MRTFB: variants seen among roughly 807,000 people sequenced by gnomAD.
MRTFB encodes myocardin-related transcription factor B.
A neutral mutation model predicts 104.2 loss-of-function variants in MRTFB; 29 were observed. That is an observed-to-expected ratio of 0.28 (90% CI 0.21 to 0.38). The LOEUF (loss-of-function observed/expected upper bound fraction) is 0.38. Ranked by LOEUF, MRTFB falls within the 10% of genes least tolerant of loss-of-function variation. The pLI is 1.00. For missense variants in MRTFB, 1,270 were observed against 1,341.6 expected (o/e 0.95, Z 0.83); for synonymous variants, 535 against 519.5 (o/e 1.03, Z -0.41).
At chr16:14,218,666 G>A (rs565179200) in intron 7 of MRTFB, among the ~76,000 whole-genome samples, 154 bp from the exon 8 acceptor site, 1 of 152,162 alleles carries the variant, frequency 6.6e-6, no homozygotes, top group African/African-American at 2.4e-5. Flanking sequence ...ATCATGGTTA[G>A]TGGTGTGTTC....
At chr16:14,240,571 C>T in intron 10 of MRTFB, 87 bp downstream of exon 10, 1 of 1,587,518 alleles carries the variant, frequency 6.3e-7, no homozygotes, top group Non-Finnish European at 8.6e-7. Flanking sequence ...TGAATGTTGT[C>T]ATTTATTTGT....
chr16:14,052,535 T>A, the MRTFB span, among the ~76,000 whole-genome samples: 6,448 of 152,080 alleles, frequency 0.042, 451 homozygotes, highest in African/African-American at 0.15. Context: ...GGTCAGGAGT[T>A]TGAGACCAAC....
intron 11 of MRTFB, 78 bp downstream of exon 11, chr16:14,245,738 C>T (rs1364578015): frequency 2.7e-6 from 4 of 1,476,692 alleles, no homozygotes; most frequent in Non-Finnish European, 1.8e-6. Context: ...GTCTAGCAGA[C>T]ATTAAGTAGT....
intron 2 of MRTFB, among the ~76,000 whole-genome samples, chr16:14,121,850 A>C (rs1014845240): frequency 6.6e-6 from 1 of 152,208 alleles, no homozygotes; most frequent in Non-Finnish European, 1.5e-5. Context: ...CAAGCCCTTA[A>C]AATGTGACAG....
At chr16:14,113,077 CTT>C (rs1352539131) in intron 2 of MRTFB, among the ~76,000 whole-genome samples, 3 of 152,188 alleles carry the variant, frequency 2.0e-5, no homozygotes, top group African/African-American at 7.2e-5. Flanking sequence ...GAGTTTCACT[CTT>C]GTTGCCTAGG....
chr16:14,029,202 C>A, the MRTFB span, among the ~76,000 whole-genome samples: 1 of 151,530 alleles, frequency 6.6e-6, no homozygotes, highest in East Asian at 2.0e-4. Flanking sequence ...TTGGGAGGCT[C>A]AGGATCCCTC....
intron 2 of MRTFB, among the ~76,000 whole-genome samples, chr16:14,109,386 TA>T (rs1356707691): frequency 9.3e-5 from 14 of 150,698 alleles, no homozygotes; most frequent in African/African-American, 2.0e-4. Flanking sequence ...AGTGTGTGGT[TA>T]AAAAAAAAAT....
chr16:14,245,676 G>A lies in MRTFB; in HGVS notation c.1212+16G>A. 6.2e-7 allele frequency: 1 copy of A among 1,603,728 alleles called. No homozygotes were observed. Among genetic ancestry groups the A allele is most frequent in the Non-Finnish European group, 8.5e-7 (1 of 1,177,354 alleles). On this transcript the variant is annotated intron_variant, in intron 11 of 16. Coordinates refer to ENST00000571589, the MANE Select transcript of MRTFB (RefSeq NM_001308142.2). ...TGACTTAAAGGTGACAATTGCAACT[G>A]GAGCTTATTCACCCCTAAGTACCAC...
intron 3 of MRTFB, among the ~76,000 whole-genome samples, chr16:14,175,211 T>C (rs776283962): frequency 6.6e-6 from 1 of 152,220 alleles, no homozygotes; most frequent in Non-Finnish European, 1.5e-5. Flanking sequence ...AGGATTCAAG[T>C]TGAAGAATTT....
chr16:14,078,816 T>TA (rs57761003), intron 1 of MRTFB, among the ~76,000 whole-genome samples: 29,403 of 151,890 alleles, frequency 0.19, 4,767 homozygotes, highest in African/African-American at 0.43. Context: ...AACATTATAA[T>TA]AAAATAGTAT....
chr16:14,227,023 G>C (rs551285758), intron 8 of MRTFB, among the ~76,000 whole-genome samples: 64 of 151,828 alleles, frequency 4.2e-4, no homozygotes, highest in African/African-American at 1.4e-3. Flanking sequence ...TGCATCAAAG[G>C]ACATCAACAG....
chr16:14,233,781 CAAAA>C (rs1007606658), intron 8 of MRTFB, among the ~76,000 whole-genome samples: 4 of 49,996 alleles, frequency 8.0e-5, no homozygotes, highest in East Asian at 6.3e-4. Context: ...GACTCCCTCT[CAAAA>C]AAAAAAAAAA....
intron 3 of MRTFB, among the ~76,000 whole-genome samples, chr16:14,189,259 T>C (rs1269008583): frequency 6.6e-6 from 1 of 152,192 alleles, no homozygotes; most frequent in Non-Finnish European, 1.5e-5. Context: ...CTTTGCAAAA[T>C]TGAACTCCCA....
At chr16:14,003,252 G>C in the MRTFB span, among the ~76,000 whole-genome samples, 1 of 152,168 alleles carries the variant, frequency 6.6e-6, no homozygotes, top group Non-Finnish European at 1.5e-5. Context: ...GTAGGCGTGT[G>C]ACGAGTTTTT....
At chr16:14,240,154 T>G in intron 9 of MRTFB, 83 bp from the exon 10 acceptor site, 1 of 1,459,474 alleles carries the variant, frequency 6.9e-7, no homozygotes, top group Non-Finnish European at 9.1e-7. Context: ...TTCTTTTTAA[T>G]TTCAAATCAT....
At chr16:14,259,071 T>C (rs1001878949) in intron 16 of MRTFB, among the ~76,000 whole-genome samples, 4 of 94,256 alleles carry the variant, frequency 4.2e-5, no homozygotes, top group Non-Finnish European at 7.1e-5. Context: ...ACATAGAGAA[T>C]TGATATTTGA....
chr16:14,245,742 A>G, intron 11 of MRTFB, 82 bp downstream of exon 11: 1 of 1,471,192 alleles, frequency 6.8e-7, no homozygotes. Context: ...AGCAGACATT[A>G]AGTAGTTTTC....
In MRTFB at chr16:14,240,867, A is replaced by G. The variant is rs1597352992; in HGVS notation, c.1079+383A>G. 4 of 629,606 alleles carry G rather than the reference A, an allele frequency of 6.4e-6. No individual in the cohort carries two copies. The East Asian group carries it at 1.1e-4, about 17-fold the overall frequency. 39.0% of individuals were successfully genotyped at this position (629,606 alleles called of 1,614,324 possible). On this transcript the variant is annotated intron_variant, in intron 10 of 16. Transcript: ENST00000571589. ...GCATGAAAGCTGGAGTGGTCAAAGG[A>G]AAGCCTGGTGGAAAAGACAGGATCT...
rs761535435 is a variant in MRTFB at position 14,247,246 on chromosome 16, C to A, written c.1986C>A (p.Gly662=). 23 of 1,614,074 alleles carry A rather than the reference C, an allele frequency of 1.4e-5. No homozygotes were observed. In the Middle Eastern group the frequency reaches 6.6e-4, roughly 46 times the overall value. Residue 662 remains glycine (G), a synonymous_variant, in exon 12 of 17, where the codon GGC becomes GGA. Transcript: ENST00000571589. ...TCCCAGTAGCCAGCCACGCTGTAGG[C>A]CAGCCCGTCTCTACAGGTGGCCAGA... ...QPIPVASHAV[G]QPVSTGGQTL... is the part of the protein sequence containing the mutation.
Sources: allele counts gnomAD v4.1 joint callset (sites outside exome capture counted in the v4.1 genomes callset), GRCh38; gene constraint gnomAD v4.1.1; transcripts MANE v1.5; gene names NCBI Gene and HGNC (gene_info 2026-07-23, HGNC 2026-07-21).